Variants in AFG3L2 observed in about 807,000 individuals in gnomAD.
The protein encoded by AFG3L2 is mitochondrial inner membrane m-AAA protease component AFG3L2.
Under a neutral mutation model 94.5 loss-of-function variants are expected in AFG3L2, and 54 were observed. That is an observed-to-expected ratio of 0.57 (90% CI 0.46 to 0.72). AFG3L2 has a LOEUF of 0.72. AFG3L2 is among the 30% of genes least tolerant of loss of function. The pLI is 0.00. For missense variants in AFG3L2, 754 were observed against 994.9 expected (o/e 0.76, Z 3.26); for synonymous variants, 377 against 365.5 (o/e 1.03, Z -0.36).
chr18:12,352,767 T>C (rs1908357810), intron 10 of AFG3L2, among the ~76,000 whole-genome samples: 1 of 152,156 alleles, frequency 6.6e-6, no homozygotes, highest in South Asian at 2.1e-4. Flanking sequence ...GGAATGCTTT[T>C]TTTTGTTTGT....
At chr18:12,340,913 GCTTTT>G (rs1240483067) in intron 14 of AFG3L2, 3 of 133,688 alleles carry the variant, frequency 2.2e-5, no homozygotes, top group Admixed American at 7.7e-5. Flanking sequence ...ATTCTAAATG[GCTTTT>G]CTTTTTTTTT....
chr18:12,333,864 C>A (rs906940876), intron 16 of AFG3L2, among the ~76,000 whole-genome samples: 4 of 152,196 alleles, frequency 2.6e-5, no homozygotes, highest in Admixed American at 6.5e-5. Context: ...ACGACCAGGG[C>A]TCTGCAGGCA....
At chr18:12,359,238 A>G (rs1281754712) in intron 7 of AFG3L2, among the ~76,000 whole-genome samples, 2 of 152,184 alleles carry the variant, frequency 1.3e-5, no homozygotes, top group African/African-American at 4.8e-5. Flanking sequence ...GAGAAGAATC[A>G]CCTAAAAATC....
intron 6 of AFG3L2, among the ~76,000 whole-genome samples, chr18:12,361,895 G>A (rs1472085035): frequency 6.6e-6 from 1 of 152,214 alleles, no homozygotes; most frequent in East Asian, 1.9e-4. Flanking sequence ...AACCACAGAG[G>A]ATGGAACATT....
chr18:12,337,088 C>G (rs558448427), intron 16 of AFG3L2: 1 of 607,264 alleles, frequency 1.6e-6, no homozygotes, highest in African/African-American at 1.8e-5. Context: ...TTTGTGGTTA[C>G]TGACAGACTT....
chr18:12,365,664 T>C (rs1440053620), intron 5 of AFG3L2, among the ~76,000 whole-genome samples: 5 of 152,178 alleles, frequency 3.3e-5, no homozygotes, highest in African/African-American at 9.7e-5. Context: ...AGCTGCTCAT[T>C]TGAGTAGATA....
chr18:12,337,520 T>A lies in AFG3L2; in HGVS notation c.1996A>T (p.Met666Leu), dbSNP rs151344514. 6.2e-7 allele frequency: 1 copy of A among 1,614,216 alleles called. No homozygotes were observed. The highest frequency in any genetic ancestry group is 1.7e-5 in the Admixed American group (1 of 60,030). Residue 666 changes from methionine (M) to leucine (L), a missense_variant, in exon 16 of 17, where the codon ATG becomes TTG. Met to Leu is a conservative substitution (Grantham distance 15). This residue lies in a region of AFG3L2 where 279 missense variants were observed against 378.6 expected (regional missense o/e 0.74). Coordinates refer to ENST00000269143, the MANE Select transcript of AFG3L2 (RefSeq NM_006796.3). ...SAYAQIVQFG[M>L]NEKVGQISFD... ...GAGATTTGCCCAACCTTTTCATTCA[T>A]GCCAAACTGAACAATCTGAAAAATA...
chr18:12,352,926 C>G, intron 10 of AFG3L2, 79 bp downstream of exon 10: 2 of 1,589,958 alleles, frequency 1.3e-6, no homozygotes, highest in Non-Finnish European at 1.7e-6. Context: ...CTCACTTCAG[C>G]CTGGACGACA....
At chr18:12,331,214 T>C (rs768169042) in intron 16 of AFG3L2, among the ~76,000 whole-genome samples, 9 of 152,194 alleles carry the variant, frequency 5.9e-5, no homozygotes, top group East Asian at 3.9e-4. Flanking sequence ...CTAGGAGCAA[T>C]AGGCCACACC....
intron 10 of AFG3L2, among the ~76,000 whole-genome samples, chr18:12,351,920 A>G (rs909917079): frequency 1.3e-5 from 2 of 152,228 alleles, no homozygotes; most frequent in African/African-American, 4.8e-5. Context: ...ATAATCATAT[A>G]TTAGACTTAA....
At chr18:12,334,026 G>A (rs1053361360) in intron 16 of AFG3L2, among the ~76,000 whole-genome samples, 5 of 152,126 alleles carry the variant, frequency 3.3e-5, no homozygotes, top group African/African-American at 1.2e-4. Flanking sequence ...AGGGTTTTCA[G>A]AAAGGAACCC....
intron 3 of AFG3L2, among the ~76,000 whole-genome samples, chr18:12,370,318 A>G (rs998379878): frequency 2.0e-5 from 3 of 152,164 alleles, no homozygotes; most frequent in African/African-American, 7.2e-5. Flanking sequence ...ACCAGACAAT[A>G]CCTCTAAGGT....
At chr18:12,331,394 G>A (rs1348645931) in intron 16 of AFG3L2, among the ~76,000 whole-genome samples, 4 of 152,190 alleles carry the variant, frequency 2.6e-5, no homozygotes, top group South Asian at 2.1e-4. Flanking sequence ...TCATGCTGCC[G>A]GAGCAGAGCT....
intron 13 of AFG3L2, among the ~76,000 whole-genome samples, chr18:12,344,509 T>C (rs1388543557): frequency 6.6e-6 from 1 of 151,918 alleles, no homozygotes; most frequent in African/African-American, 2.4e-5. Context: ...ACCCCGTCTC[T>C]ACTAAAAATA....
chr18:12,356,783 T>C lies in AFG3L2; in HGVS notation c.1075A>G (p.Lys359Glu). The C allele has an allele frequency of 6.2e-7, 1 of 1,614,208 alleles. No individual in the cohort carries two copies. Among genetic ancestry groups the C allele is most frequent in the Admixed American group, 1.7e-5 (1 of 60,020 alleles). ...PPGTGKTLLAKATAGEANVPF... is the reference protein window; with the variant it reads ...PPGTGKTLLAEATAGEANVPF... The stretch of plus-strand genomic sequence containing the variant: ...ACATTGGCTTCTCCGGCTGTGGCCT[T>C]AGCTAGCAGCGTCTTCCCAGTGCCT... Residue 359 changes from lysine to glutamate, a missense_variant, in exon 9 of 17, where the codon AAG becomes GAG. Physicochemically the swap from Lys to Glu is moderately conservative, Grantham distance 56. This residue lies in a region of AFG3L2 where 109 missense variants were observed against 227.1 expected (regional missense o/e 0.48). Transcript: ENST00000269143.
At chr18:12,364,592 A>C (rs1324970649) in intron 5 of AFG3L2, among the ~76,000 whole-genome samples, 2 of 152,222 alleles carry the variant, frequency 1.3e-5, no homozygotes, top group South Asian at 4.1e-4. Flanking sequence ...TTGGTAGTAT[A>C]AGACTTCTTA....
chr18:12,340,358 T>C lies in AFG3L2; in HGVS notation c.1823A>G (p.Tyr608Cys), dbSNP rs2143125098. 1.2e-6 allele frequency: 2 copies of C among 1,614,200 alleles called. No individual in the cohort carries two copies. The highest frequency in any genetic ancestry group is 2.2e-5 in the South Asian group (2 of 91,082). The stretch of plus-strand genomic sequence containing the variant: ...ATAGAGGTATTGTTCTTTTGGTAAA[T>C]ACTGAGCATAACCTAGTCCTTTGCC... ...PRGKGLGYAQ[Y>C]LPKEQYLYTK... is the part of the protein sequence containing the mutation. The change falls in exon 15 of 17, where the codon TAT (tyrosine) becomes TGT (cysteine). Residue 608 changes from tyrosine to cysteine, a missense_variant. Tyr to Cys is a radical substitution (Grantham distance 194). This residue lies in a region of AFG3L2 where 279 missense variants were observed against 378.6 expected (regional missense o/e 0.74). Coordinates refer to ENST00000269143, the MANE Select transcript of AFG3L2 (RefSeq NM_006796.3).
At chr18:12,346,483 C>T (rs989745800) in intron 13 of AFG3L2, among the ~76,000 whole-genome samples, 3 of 152,152 alleles carry the variant, frequency 2.0e-5, no homozygotes, top group East Asian at 1.9e-4. Flanking sequence ...ATTTTTTTTA[C>T]GGCTGTCACT....
At position 12,358,911 on chromosome 18, in the gene AFG3L2, A is replaced by G; in HGVS notation, c.785T>C (p.Leu262Pro). 6.2e-7 allele frequency: 1 copy of G among 1,614,042 alleles called. No individual in the cohort carries two copies. The highest frequency in any genetic ancestry group is 8.5e-7 in the Non-Finnish European group (1 of 1,179,978). ...SFLLSMLPTV[L>P]IIAFLLYTIR... ...GGTGTAGAGCAAGAAGGCGATGATG[A>G]GCACCGTAGGCAGCATGCTCAGCAG... The change falls in exon 8 of 17, where the codon CTC (leucine) becomes CCC (proline). Residue 262 changes from leucine to proline, a missense_variant. Around this residue, in one of 4 missense-constraint regions of AFG3L2, gnomAD observed 130 missense variants for 175.1 expected, o/e 0.74. Transcript: ENST00000269143.
Sources: allele counts gnomAD v4.1 joint callset (sites outside exome capture counted in the v4.1 genomes callset), GRCh38; gene constraint gnomAD v4.1.1; regional missense constraint gnomAD v4.1.1; transcripts MANE v1.5; gene names NCBI Gene and HGNC (gene_info 2026-07-23, HGNC 2026-07-21).